CRPPA: variants seen among roughly 807,000 people sequenced by gnomAD.
CRPPA encodes CDP-L-ribitol pyrophosphorylase A.
A neutral mutation model predicts 52.0 loss-of-function variants in CRPPA; 43 were observed. That is an observed-to-expected ratio of 0.83 (90% CI 0.65 to 1.07). The LOEUF (loss-of-function observed/expected upper bound fraction) is 1.07. CRPPA is among the 50% of genes least tolerant of loss of function. The probability of loss-of-function intolerance (pLI) is 0.00; values close to 1 mark genes in which losing one functional copy is unlikely to be tolerated. For missense variants in CRPPA, 629 were observed against 551.7 expected (o/e 1.14, Z -1.40); for synonymous variants, 250 against 203.5 (o/e 1.23, Z -1.94).
chr7:16,345,470 C>CT (rs1785989667), intron 3 of CRPPA, among the ~76,000 whole-genome samples: 1 of 152,092 alleles, frequency 6.6e-6, no homozygotes, highest in Non-Finnish European at 1.5e-5. Context: ...TATAAATGTA[C>CT]TTTTGGTTGA....
At chr7:16,381,988 T>C (rs1000220387) in intron 2 of CRPPA, among the ~76,000 whole-genome samples, 1 of 152,078 alleles carries the variant, frequency 6.6e-6, no homozygotes, top group Non-Finnish European at 1.5e-5. Flanking sequence ...TTAGTCCATT[T>C]ACATTTAAAG....
At chr7:16,151,227 G>T (rs1562527696) in intron 9 of CRPPA, among the ~76,000 whole-genome samples, 1 of 152,098 alleles carries the variant, frequency 6.6e-6, no homozygotes, top group African/African-American at 2.4e-5. Flanking sequence ...TTAGTGTGTT[G>T]CCTCTTCTAA....
intron 5 of CRPPA, among the ~76,000 whole-genome samples, chr7:16,299,492 G>C (rs1487574805): frequency 6.6e-6 from 1 of 152,154 alleles, no homozygotes; most frequent in Non-Finnish European, 1.5e-5. Context: ...TGGGGCCTGA[G>C]ATTCTAGTCC....
chr7:16,289,338 C>T (rs1010935019), intron 5 of CRPPA, among the ~76,000 whole-genome samples: 1 of 152,074 alleles, frequency 6.6e-6, no homozygotes, highest in Non-Finnish European at 1.5e-5. Flanking sequence ...GAAGGAAATT[C>T]TTCCTAACTC....
chr7:16,123,316 A>G (rs1350914948), intron 9 of CRPPA, among the ~76,000 whole-genome samples: 1 of 152,152 alleles, frequency 6.6e-6, no homozygotes, highest in African/African-American at 2.4e-5. Context: ...GGTACATAAA[A>G]CAGCAGGAAA....
At chr7:16,209,230 G>A (rs1021411387) in intron 9 of CRPPA, 32 of 292,650 alleles carry the variant, frequency 1.1e-4, no homozygotes, top group Non-Finnish European at 2.0e-4. Context: ...TGAACTGGAA[G>A]GTGGTAAGAA....
chr7:16,189,150 A>C (rs1039478451), intron 9 of CRPPA, among the ~76,000 whole-genome samples: 2 of 152,154 alleles, frequency 1.3e-5, no homozygotes, highest in African/African-American at 4.8e-5. Context: ...TGATTGTTAC[A>C]TGTAGATCAT....
intron 3 of CRPPA, among the ~76,000 whole-genome samples, chr7:16,344,170 A>T (rs1785942180): frequency 6.6e-6 from 1 of 152,132 alleles, no homozygotes; most frequent in South Asian, 2.1e-4. Context: ...TTTAACAAAA[A>T]CCCAAGAGGT....
chr7:16,231,011 T>G (rs1214375531), intron 8 of CRPPA, among the ~76,000 whole-genome samples: 1 of 152,174 alleles, frequency 6.6e-6, no homozygotes, highest in Non-Finnish European at 1.5e-5. Flanking sequence ...GCAGCTGGTC[T>G]AGAGGCTCAG....
At chr7:16,199,970 G>T (rs1437594662) in intron 9 of CRPPA, among the ~76,000 whole-genome samples, 1 of 148,082 alleles carries the variant, frequency 6.8e-6, no homozygotes, top group Non-Finnish European at 1.5e-5. Flanking sequence ...TGATTCTCCT[G>T]CCTCTGCCTG....
At chr7:16,095,262 A>G (rs575922487) in intron 9 of CRPPA, among the ~76,000 whole-genome samples, 16 of 152,308 alleles carry the variant, frequency 1.1e-4, no homozygotes, top group Middle Eastern at 3.4e-3. Context: ...AAAACGTACA[A>G]TATTCCTTTA....
intron 3 of CRPPA, among the ~76,000 whole-genome samples, chr7:16,370,604 G>T (rs1008243263): frequency 6.6e-6 from 1 of 152,174 alleles, no homozygotes; most frequent in Non-Finnish European, 1.5e-5. Context: ...TGGGACAAGA[G>T]AATCTAAACA....
At chr7:16,233,299 T>C (rs1169273217) in intron 8 of CRPPA, among the ~76,000 whole-genome samples, 2 of 152,088 alleles carry the variant, frequency 1.3e-5, no homozygotes, top group Non-Finnish European at 2.9e-5. Flanking sequence ...ACATTCCTAA[T>C]TGAATGAAAA....
At chr7:16,355,792 G>A (rs1247534997) in intron 3 of CRPPA, among the ~76,000 whole-genome samples, 1 of 152,096 alleles carries the variant, frequency 6.6e-6, no homozygotes, top group East Asian at 1.9e-4. Flanking sequence ...ATAGCAGGGT[G>A]GCAAGGCAGG....
At chr7:16,225,452 C>G (rs184231491) in intron 8 of CRPPA, among the ~76,000 whole-genome samples, 2 of 151,964 alleles carry the variant, frequency 1.3e-5, no homozygotes, top group East Asian at 3.9e-4. Context: ...TAAGAACAAT[C>G]CCACTGATTA....
At chr7:16,357,789 G>C (rs1156959314) in intron 3 of CRPPA, among the ~76,000 whole-genome samples, 1 of 152,192 alleles carries the variant, frequency 6.6e-6, no homozygotes, top group East Asian at 1.9e-4. Context: ...GATACCCGAA[G>C]TCTGAGGGGG....
chr7:16,376,349 G>A (rs775464078), intron 2 of CRPPA, 108 bp from the exon 3 acceptor site: 43 of 1,085,670 alleles, frequency 4.0e-5, no homozygotes, highest in Non-Finnish European at 5.4e-5. Flanking sequence ...CCTTCAACAA[G>A]CTACCTTAAG....
intron 8 of CRPPA, among the ~76,000 whole-genome samples, chr7:16,241,970 T>TTTTTTTTTTTTTTTTTTTTG (rs1241010922): frequency 1.9e-5 from 2 of 104,896 alleles, no homozygotes; most frequent in Non-Finnish European, 3.7e-5. Flanking sequence ...TTTTTTTTTG[T>TTTTTTTTTTTTTTTTTTTTG]TGGGGGGAGA....
chr7:16,380,117 G>A (rs1190739815), intron 2 of CRPPA, among the ~76,000 whole-genome samples: 1 of 150,554 alleles, frequency 6.6e-6, no homozygotes, highest in African/African-American at 2.5e-5. Flanking sequence ...TATGATATTG[G>A]CTGTGGGTTT....
Sources: gnomAD v4.1 joint callset for allele counts (sites outside exome capture counted in the v4.1 genomes callset) on GRCh38, gnomAD v4.1.1 for gene constraint, MANE v1.5 for transcripts, NCBI Gene and HGNC (gene_info 2026-07-23, HGNC 2026-07-21) for gene names.